The following CDC42EP3 variants were observed in gnomAD, a reference collection of about 807,000 sequenced individuals.
CDC42EP3 encodes CDC42 effector protein 3.
CDC42EP3 carries 4 observed loss-of-function variants against 15.5 expected under a neutral mutation model. The observed-to-expected ratio is 0.26, with a 90% CI of 0.13 to 0.59. CDC42EP3 has a LOEUF of 0.59. CDC42EP3 is among the 20% of genes least tolerant of loss of function. The pLI, the probability that CDC42EP3 is intolerant of heterozygous loss-of-function variation, is 0.89. For missense variants in CDC42EP3, 309 were observed against 311.2 expected, an observed-to-expected ratio of 0.99 and a Z score of 0.05; for synonymous variants, 145 against 130.3, an observed-to-expected ratio of 1.11 and a Z score of -0.77.
rs1310211383 is a variant in CDC42EP3 at position 37,646,219 on chromosome 2, C to T, written c.369G>A (p.Leu123=). Residue 123 remains leucine (L), a synonymous_variant, in exon 2 of 2, where the codon TTG becomes TTA. Coordinates refer to ENST00000295324, the MANE Select transcript of CDC42EP3 (RefSeq NM_006449.5). ...GGSQALMLPL[L]SPVTFNSKQE... is the part of the protein sequence containing the mutation. The stretch of plus-strand genomic sequence containing the variant: ...GTTTGGAATTAAATGTCACTGGTGA[C>T]AATAAGGGCAACATGAGAGCTTGGG... The T allele has an allele frequency of 6.2e-7, 1 of 1,614,104 alleles. No homozygotes were observed. Among genetic ancestry groups the T allele is most frequent in the Admixed American group, 1.7e-5 (1 of 60,010 alleles).
At position 37,644,248 on chromosome 2, in the gene CDC42EP3, G is replaced by A. The variant is rs993680428; in HGVS notation, c.*1575C>T. On this transcript the variant is annotated 3_prime_UTR_variant, in exon 2 of 2. Transcript: ENST00000295324. ...GAAAGAATCGTTGAAGTGGTTGGGAGAGGAGGTCATTTCTGAGATACATTT... is the reference window on the plus strand; with the variant it reads ...GAAAGAATCGTTGAAGTGGTTGGGAAAGGAGGTCATTTCTGAGATACATTT... 6.6e-6 allele frequency: 1 copy of A among 152,192 alleles called. No homozygotes were observed. Among genetic ancestry groups the A allele is most frequent in the African/African-American group, 2.4e-5 (1 of 41,436 alleles). The allele number at this position is 152,192 out of a possible 1,614,324, so 9.4% of individuals were successfully genotyped here.
At chr2:37,657,194 T>C (rs1018486477) in intron 1 of CDC42EP3, among the ~76,000 whole-genome samples, 20 of 152,052 alleles carry the variant, frequency 1.3e-4, no homozygotes, top group Non-Finnish European at 2.5e-4. Context: ...AACCTTGTGT[T>C]CCCTACATGG....
At chr2:37,663,477 G>C (rs979268109) in intron 1 of CDC42EP3, among the ~76,000 whole-genome samples, 3 of 152,234 alleles carry the variant, frequency 2.0e-5, no homozygotes, top group African/African-American at 7.2e-5. Flanking sequence ...TGGGTGCCAA[G>C]TTGCCTCAGT....
At chr2:37,671,749 A>T (rs1666431497), upstream of CDC42EP3, 1 of 149,926 alleles carries the variant, frequency 6.7e-6, no homozygotes, top group South Asian at 1.8e-4. Flanking sequence ...GGGCGCGGGC[A>T]GCGGGGCCGA....
At chr2:37,652,019 C>G (rs1317598043) in intron 1 of CDC42EP3, among the ~76,000 whole-genome samples, 1 of 151,382 alleles carries the variant, frequency 6.6e-6, no homozygotes, top group Non-Finnish European at 1.5e-5. Flanking sequence ...ACTAAAAATA[C>G]AAAAAATTAG....
At chr2:37,651,244 G>C (rs142854790) in intron 1 of CDC42EP3, among the ~76,000 whole-genome samples, 32 of 152,342 alleles carry the variant, frequency 2.1e-4, no homozygotes, top group African/African-American at 7.2e-4. Flanking sequence ...AGGGGAAGTA[G>C]ATGGAAGGGG....
Position 37,646,828 on chromosome 2 carries a change from G to A in CDC42EP3, c.-235-6C>T. ...TGACCACAACCAGGACAAACCTGCA[G>A]AAGAAACCAAAGCAGGTTATAAGCT... On this transcript the variant is annotated splice_region_variant and splice_polypyrimidine_tract_variant and intron_variant, in intron 1 of 1. Transcript: ENST00000295324. The A allele has an allele frequency of 2.5e-6, 1 of 393,254 alleles. No individual in the cohort carries two copies. The highest frequency in any genetic ancestry group is 4.7e-6 in the Non-Finnish European group (1 of 211,060). 24.4% of individuals were successfully genotyped at this position (393,254 alleles called of 1,614,324 possible). A position where few individuals can be genotyped will look rare whatever the true frequency, so the allele number is the denominator to read the frequency against.
At chr2:37,654,544 G>A (rs1046745917) in intron 1 of CDC42EP3, among the ~76,000 whole-genome samples, 1 of 152,134 alleles carries the variant, frequency 6.6e-6, no homozygotes, top group African/African-American at 2.4e-5. Flanking sequence ...GGGCTGGGGT[G>A]GGGAGGGGAC....
rs146410399 is a variant in CDC42EP3, at chr2:37,669,865, A to G, written c.-236+1561T>C. Reference sequence around the variant, plus strand: ...CTTGACTATAGAAAGGGCCTTTATCATTTATTTCACATATGAAAATGCTAA... The same window carrying G: ...CTTGACTATAGAAAGGGCCTTTATCGTTTATTTCACATATGAAAATGCTAA... On this transcript the variant is annotated intron_variant, in intron 1 of 1. Transcript: ENST00000295324. 9.2e-3 allele frequency among the ~76,000 whole-genome samples: 1,398 copies of G among 152,320 alleles called. 26 individuals carry two copies. Among genetic ancestry groups the G allele is most frequent in the African/African-American group, 0.031 (1,308 of 41,558 alleles).
intron 1 of CDC42EP3, among the ~76,000 whole-genome samples, chr2:37,650,244 C>T (rs757227720): frequency 7.9e-5 from 12 of 152,196 alleles, no homozygotes; most frequent in African/African-American, 2.7e-4. Flanking sequence ...CATAATTTCT[C>T]GAACTGACCA....
intron 1 of CDC42EP3, among the ~76,000 whole-genome samples, chr2:37,655,633 G>A (rs1665823975): frequency 6.6e-6 from 1 of 152,146 alleles, no homozygotes; most frequent in South Asian, 2.1e-4. Flanking sequence ...TGGCACCAGG[G>A]CTGGTCAGAA....
rs920045662 is a variant in CDC42EP3, at chr2:37,642,357, T to C, written c.*3466A>G. The C allele has an allele frequency of 2.0e-5, 3 of 152,228 alleles. No individual in the cohort carries two copies. The highest frequency in any genetic ancestry group is 7.2e-5 in the African/African-American group (3 of 41,448). 9.4% of individuals were successfully genotyped at this position (152,228 alleles called of 1,614,324 possible). On this transcript the variant is annotated 3_prime_UTR_variant, in exon 2 of 2. Coordinates refer to ENST00000295324, the MANE Select transcript of CDC42EP3 (RefSeq NM_006449.5). ...CCAACCAGAAGGCTTCCCCGCTGGG[T>C]TGATGGTGGCTTATCATTTGGCATC...
intron 1 of CDC42EP3, among the ~76,000 whole-genome samples, chr2:37,649,445 C>CAAAAAAA (rs57232687): frequency 2.1e-5 from 1 of 48,152 alleles, no homozygotes. Flanking sequence ...GGCCTTGTCT[C>CAAAAAAA]AAAAAAAAAA....
chr2:37,656,551 A>G (rs1390578122), intron 1 of CDC42EP3, among the ~76,000 whole-genome samples: 2 of 152,248 alleles, frequency 1.3e-5, no homozygotes, highest in Non-Finnish European at 2.9e-5. Context: ...ACTAGCTAGC[A>G]TGAGTGCTTT....
chr2:37,655,625 G>A (rs1665823674), intron 1 of CDC42EP3, among the ~76,000 whole-genome samples: 1 of 152,168 alleles, frequency 6.6e-6, no homozygotes, highest in Non-Finnish European at 1.5e-5. Context: ...GTTGTACATG[G>A]CACCAGGGCT....
intron 1 of CDC42EP3, among the ~76,000 whole-genome samples, chr2:37,648,337 AAG>A (rs1167709005): frequency 1.3e-5 from 2 of 152,210 alleles, no homozygotes; most frequent in African/African-American, 4.8e-5. Context: ...TGGTGTTTTG[AAG>A]GGAGCCACAT....
chr2:37,657,761 G>T (rs928373874), intron 1 of CDC42EP3, among the ~76,000 whole-genome samples: 2 of 152,118 alleles, frequency 1.3e-5, no homozygotes, highest in Non-Finnish European at 2.9e-5. Context: ...TTCCCTATGC[G>T]ATATTTGGCA....
At chr2:37,656,139 G>A (rs1665838543) in intron 1 of CDC42EP3, among the ~76,000 whole-genome samples, 1 of 152,206 alleles carries the variant, frequency 6.6e-6, no homozygotes, top group African/African-American at 2.4e-5. Flanking sequence ...CACGTTCCTT[G>A]GATGGGCTGA....
At chr2:37,657,582 T>C (rs1432866229) in intron 1 of CDC42EP3, among the ~76,000 whole-genome samples, 3 of 152,210 alleles carry the variant, frequency 2.0e-5, no homozygotes, top group Non-Finnish European at 4.4e-5. Context: ...TAAGCTCTTC[T>C]AGTTTTCTTT....
Sources: allele counts gnomAD v4.1 joint callset (sites outside exome capture counted in the v4.1 genomes callset), GRCh38; gene constraint gnomAD v4.1.1; transcripts MANE v1.5; gene names NCBI Gene and HGNC (gene_info 2026-07-23, HGNC 2026-07-21).